Variants in MACROD2 observed in about 807,000 individuals in gnomAD.
MACROD2 encodes the protein ADP-ribose glycohydrolase MACROD2.
In MACROD2, 36 loss-of-function variants were observed where a neutral mutation model predicts 70.4. The ratio of observed to expected loss-of-function variants is 0.51; its 90% CI spans 0.39 to 0.68. The LOEUF is 0.68. MACROD2 is among the 30% of genes least tolerant of loss of function. The pLI, the probability that MACROD2 is intolerant of heterozygous loss-of-function variation, is 0.00. For missense variants in MACROD2, 496 were observed against 538.4 expected, an observed-to-expected ratio of 0.92 and a Z score of 0.78; for synonymous variants, 172 against 178.8, an observed-to-expected ratio of 0.96 and a Z score of 0.30.
At chr20:14,106,144 G>T (rs1030200502) in intron 3 of MACROD2, among the ~76,000 whole-genome samples, 1 of 152,178 alleles carries the variant, frequency 6.6e-6, no homozygotes, top group Non-Finnish European at 1.5e-5. Context: ...TTATGGAACT[G>T]CCCTGTGCCT....
At position 13,995,851 on chromosome 20, in the gene MACROD2, T is replaced by A. The variant is rs2081574206; in HGVS notation, c.46+42T>A. On this transcript the variant is annotated intron_variant, in intron 1 of 17. Transcript: ENST00000684519. The surrounding 1 kb of genome is among the most constrained non-coding windows in gnomAD (Gnocchi z 4.3). ...GTCCTGGGGGTGCGGGCGGTGGGGG[T>A]TAGGGTGGGGGCGGGGGTCAGGCTG... 4 of 1,380,564 alleles carry A rather than the reference T, an allele frequency of 2.9e-6. No homozygotes were observed. Among genetic ancestry groups the A allele is most frequent in the Non-Finnish European group, 4.0e-6 (4 of 997,064 alleles). 85.5% of individuals were successfully genotyped at this position (1,380,564 alleles called of 1,614,324 possible).
intron 7 of MACROD2, among the ~76,000 whole-genome samples, chr20:15,464,671 A>T (rs1337113532): frequency 6.6e-6 from 1 of 152,202 alleles, no homozygotes; most frequent in Non-Finnish European, 1.5e-5. Context: ...TAATCACATC[A>T]TCTGACCCTT....
intron 5 of MACROD2, among the ~76,000 whole-genome samples, chr20:15,021,829 A>G (rs1005912366): frequency 3.9e-5 from 6 of 152,030 alleles, no homozygotes; most frequent in Admixed American, 2.0e-4. Flanking sequence ...GAACCCTAAC[A>G]TAAACTATGG....
chr20:15,629,158 C>G (rs757496071), intron 8 of MACROD2, among the ~76,000 whole-genome samples: 4 of 152,232 alleles, frequency 2.6e-5, no homozygotes, highest in Middle Eastern at 3.4e-3. Flanking sequence ...TGCTGAGTTG[C>G]AGGATATGCT....
intron 3 of MACROD2, among the ~76,000 whole-genome samples, chr20:14,289,430 G>C (rs2122439580): frequency 6.6e-6 from 1 of 152,318 alleles, no homozygotes; most frequent in African/African-American, 2.4e-5. Context: ...GCTTTCTCAG[G>C]AAGTCTTCTG....
Position 14,735,033 on chromosome 20 carries a change from T to G in MACROD2, c.418+50074T>G, listed in dbSNP as rs139328975. ...AATATGAGCTAAAACTATAAAACCCTTAGAAAAAAAATAGGAGTAAGTCTT... is the reference window on the plus strand; with the variant it reads ...AATATGAGCTAAAACTATAAAACCCGTAGAAAAAAAATAGGAGTAAGTCTT... On this transcript the variant is annotated intron_variant, in intron 5 of 17. Coordinates refer to ENST00000684519, the MANE Select transcript of MACROD2 (RefSeq NM_001351661.2). 2.6e-3 allele frequency among the ~76,000 whole-genome samples: 390 copies of G among 151,954 alleles called. 5 individuals carry two copies. Among genetic ancestry groups the G allele is most frequent in the Non-Finnish European group, 3.4e-3 (232 of 67,942 alleles).
intron 10 of MACROD2, chr20:15,892,984 C>T (rs2064912155): frequency 2.5e-6 from 1 of 398,944 alleles, no homozygotes; most frequent in Non-Finnish European, 4.4e-6. Context: ...GCAAAGAAGC[C>T]AGAATGTTCG....
chr20:14,945,023 T>C (rs190191965), intron 5 of MACROD2, among the ~76,000 whole-genome samples: 1 of 152,322 alleles, frequency 6.6e-6, no homozygotes, highest in East Asian at 1.9e-4. Flanking sequence ...TAAACCATGA[T>C]TTAAAGAAAA....
chr20:14,683,915 T>C (rs1037059176), intron 4 of MACROD2, among the ~76,000 whole-genome samples: 17 of 152,120 alleles, frequency 1.1e-4, no homozygotes, highest in African/African-American at 4.1e-4. Context: ...CCCCAAATCC[T>C]CAATTTCCTA....
At chr20:15,814,851 G>T (rs1369344646) in intron 8 of MACROD2, among the ~76,000 whole-genome samples, 28 of 152,236 alleles carry the variant, frequency 1.8e-4, no homozygotes, top group Admixed American at 1.8e-3. Flanking sequence ...CTACAGCACA[G>T]TTCTGGCACA....
At chr20:14,741,979 G>A (rs2071738463) in intron 5 of MACROD2, among the ~76,000 whole-genome samples, 2 of 152,052 alleles carry the variant, frequency 1.3e-5, no homozygotes, top group South Asian at 4.1e-4. Context: ...CATTTTTACT[G>A]TCATGAAGAG....
chr20:15,781,332 G>A (rs1257883566), intron 8 of MACROD2, among the ~76,000 whole-genome samples: 1 of 152,184 alleles, frequency 6.6e-6, no homozygotes, highest in Non-Finnish European at 1.5e-5. Flanking sequence ...TTTAACAATG[G>A]TTTCAGTGGC....
intron 5 of MACROD2, among the ~76,000 whole-genome samples, chr20:15,098,936 A>G (rs1447602908): frequency 1.3e-5 from 2 of 152,244 alleles, no homozygotes. Context: ...CAGAGTAGGT[A>G]CTAGCCAGAG....
chr20:15,029,825 TG>T (rs1405791130), intron 5 of MACROD2, among the ~76,000 whole-genome samples: 1 of 152,082 alleles, frequency 6.6e-6, no homozygotes, highest in Non-Finnish European at 1.5e-5. Flanking sequence ...AAATGCTTAT[TG>T]AGTGATTACA....
At chr20:14,428,450 G>T (rs953301488) in intron 3 of MACROD2, among the ~76,000 whole-genome samples, 4 of 152,052 alleles carry the variant, frequency 2.6e-5, no homozygotes, top group African/African-American at 9.7e-5. Context: ...AATGCCAGTT[G>T]TTTTATGAAA....
chr20:15,360,486 T>C (rs1424800243), intron 6 of MACROD2, among the ~76,000 whole-genome samples: 2 of 152,160 alleles, frequency 1.3e-5, no homozygotes, highest in Non-Finnish European at 2.9e-5. Flanking sequence ...AATACTATAT[T>C]ATACTATACT....
chr20:14,538,478 T>C (rs974831389), intron 4 of MACROD2, among the ~76,000 whole-genome samples: 2 of 152,224 alleles, frequency 1.3e-5, no homozygotes, highest in African/African-American at 4.8e-5. Context: ...AATACACCCC[T>C]GCCTAACACT....
At chr20:14,847,892 G>T (rs939874286) in intron 5 of MACROD2, among the ~76,000 whole-genome samples, 5 of 152,114 alleles carry the variant, frequency 3.3e-5, no homozygotes, top group Non-Finnish European at 5.9e-5. Flanking sequence ...CTCACAGAAG[G>T]TTGCAGGATT....
intron 5 of MACROD2, among the ~76,000 whole-genome samples, chr20:15,020,018 A>G (rs2075152215): frequency 6.6e-6 from 1 of 152,136 alleles, no homozygotes; most frequent in Admixed American, 6.6e-5. Context: ...TTGTTGTTCA[A>G]AATTAGTTTT....
Sources: gnomAD v4.1 joint callset for allele counts (sites outside exome capture counted in the v4.1 genomes callset) on GRCh38, gnomAD v4.1.1 for gene constraint, Gnocchi (gnomAD v3.1) non-coding constraint, MANE v1.5 for transcripts, NCBI Gene and HGNC (gene_info 2026-07-23, HGNC 2026-07-21) for gene names.